GATA4: variants seen among roughly 807,000 people sequenced by gnomAD.
GATA4 encodes the protein transcription factor GATA-4.
Under a neutral mutation model 37.9 loss-of-function variants are expected in GATA4, and 7 were observed. The observed-to-expected ratio is 0.18, with a 90% CI of 0.11 to 0.35. The LOEUF (loss-of-function observed/expected upper bound fraction) is 0.35. Ranked by LOEUF, GATA4 falls within the 10% of genes least tolerant of loss-of-function variation. The probability of loss-of-function intolerance (pLI) is 1.00; values close to 1 mark genes in which losing one functional copy is unlikely to be tolerated. For synonymous variants in GATA4, 372 were observed against 292.6 expected (o/e 1.27, Z -2.77); for missense variants, 647 against 653.0 (o/e 0.99, Z 0.10).
intron 1 of GATA4, among the ~76,000 whole-genome samples, chr8:11,697,292 C>G (rs1357158678): frequency 6.6e-6 from 1 of 152,218 alleles, no homozygotes; most frequent in Non-Finnish European, 1.5e-5. Flanking sequence ...AAACCAGCCG[C>G]AAAGAAATGG....
chr8:11,678,035 AT>A (rs1272525417), intron 1 of GATA4, among the ~76,000 whole-genome samples: 3 of 148,702 alleles, frequency 2.0e-5, no homozygotes, highest in African/African-American at 7.3e-5. Context: ...AATAATAATA[AT>A]AATAATAATA....
chr8:11,683,345 T>A (rs561203677), intron 1 of GATA4, among the ~76,000 whole-genome samples: 54 of 152,328 alleles, frequency 3.5e-4, no homozygotes, highest in African/African-American at 1.3e-3. Context: ...CACCACTGCG[T>A]ATTATGCTTG....
At chr8:11,688,327 A>G (rs553757157), upstream of GATA4, among the ~76,000 whole-genome samples, 2 of 152,338 alleles carry the variant, frequency 1.3e-5, no homozygotes, top group African/African-American at 4.8e-5. Flanking sequence ...CACATTTCTT[A>G]TACAGAGCTC....
chr8:11,722,491 G>C (rs7844208), intron 2 of GATA4, among the ~76,000 whole-genome samples: 2,948 of 152,296 alleles, frequency 0.019, 58 homozygotes, highest in African/African-American at 0.054. Flanking sequence ...TTAATGCCTT[G>C]TTCCAATCAG....
chr8:11,699,279 A>G (rs983490031), upstream of GATA4, among the ~76,000 whole-genome samples: 1 of 152,240 alleles, frequency 6.6e-6, no homozygotes, highest in Non-Finnish European at 1.5e-5. Context: ...CAGGGATGTT[A>G]ACCCTGGTCT....
chr8:11,742,535 G>A (rs149613854), intron 2 of GATA4, among the ~76,000 whole-genome samples: 1 of 152,326 alleles, frequency 6.6e-6, no homozygotes, highest in East Asian at 1.9e-4. Context: ...CAGAAGCAGA[G>A]GCCTTGGACT....
chr8:11,693,562 C>CAGAG lies in GATA4; in HGVS notation c.-729+932_-729+935dup, dbSNP rs139631153. 6.2e-3 allele frequency among the ~76,000 whole-genome samples: 450 copies of CAGAG among 72,204 alleles called. 10 individuals are homozygous for CAGAG. The highest frequency in any genetic ancestry group is 0.021 in the African/African-American group (421 of 19,834). The allele number at this position is 72,204 out of a possible 152,430, so 47.4% of individuals were successfully genotyped here. A position where few individuals can be genotyped will look rare whatever the true frequency, so the allele number is the denominator to read the frequency against. On this transcript the variant is annotated intron_variant, in intron 1 of 2. Transcript: ENST00000526974. ...ACACACACACACACACACACACACA[C>CAGAG]AGAGAGAGAGAGAGAGAGAGAGAGA...
intron 2 of GATA4, among the ~76,000 whole-genome samples, chr8:11,735,138 ATAT>A: frequency 6.6e-6 from 1 of 152,242 alleles, no homozygotes; most frequent in East Asian, 1.9e-4. Flanking sequence ...TCTGAAGGAA[ATAT>A]GGTAAAACAA....
chr8:11,752,404 C>T (rs775531499), intron 4 of GATA4, among the ~76,000 whole-genome samples: 9 of 152,096 alleles, frequency 5.9e-5, no homozygotes, highest in Admixed American at 2.0e-4. Flanking sequence ...GTGAAAGGCA[C>T]GTCTTACATG....
rs1395157820 is a variant in GATA4, at chr8:11,758,808, T to C, written c.*333T>C. The C allele has an allele frequency of 2.7e-6, 1 of 375,506 alleles. No individual in the cohort carries two copies. Among genetic ancestry groups the C allele is most frequent in the Non-Finnish European group, 5.1e-6 (1 of 195,792 alleles). 23.3% of individuals were successfully genotyped at this position (375,506 alleles called of 1,614,324 possible). A position where few individuals can be genotyped will look rare whatever the true frequency, so the allele number is the denominator to read the frequency against. The stretch of plus-strand genomic sequence containing the variant: ...GACCGTGGGTTTTGCATTGTGTTTC[T>C]AGCACCGAGGATCTGAGAACAAGCG... On this transcript the variant is annotated 3_prime_UTR_variant, in exon 7 of 7. Transcript: ENST00000532059.
intron 1 of GATA4, among the ~76,000 whole-genome samples, chr8:11,678,956 A>G (rs766545365): frequency 3.9e-5 from 6 of 152,334 alleles, no homozygotes; most frequent in Admixed American, 2.6e-4. Context: ...TCTAGTCTCA[A>G]GTATAATAAA....
intron 5 of GATA4, among the ~76,000 whole-genome samples, chr8:11,755,851 G>A (rs1478595336): frequency 6.6e-6 from 1 of 151,232 alleles, no homozygotes; most frequent in Non-Finnish European, 1.5e-5. Flanking sequence ...TGAGGCTGCA[G>A]TGACCTATGA....
At chr8:11,694,172 T>C (rs1003527881) in intron 1 of GATA4, among the ~76,000 whole-genome samples, 2 of 152,244 alleles carry the variant, frequency 1.3e-5, no homozygotes, top group African/African-American at 4.8e-5. Flanking sequence ...TTCATCCTTG[T>C]ATCTACAAGT....
At chr8:11,745,053 A>T (rs1351066002) in intron 2 of GATA4, among the ~76,000 whole-genome samples, 2 of 152,256 alleles carry the variant, frequency 1.3e-5, no homozygotes, top group Non-Finnish European at 2.9e-5. Flanking sequence ...ATTAAATAGC[A>T]GATGCTCAGT....
chr8:11,692,773 C>G (rs1799360193), intron 1 of GATA4: 1 of 981,972 alleles, frequency 1.0e-6, no homozygotes, highest in South Asian at 4.7e-5. Context: ...GGGCGGGAAG[C>G]GAGGCTGCCG....
At chr8:11,683,789 C>G (rs1036831418) in intron 1 of GATA4, among the ~76,000 whole-genome samples, 1 of 152,238 alleles carries the variant, frequency 6.6e-6, no homozygotes, top group African/African-American at 2.4e-5. Context: ...ATCTAGCCAG[C>G]CTTCCATTCA....
At position 11,756,966 on chromosome 8, in the gene GATA4, C is replaced by T; in HGVS notation, c.1032C>T (p.Ala344=). 6.2e-7 allele frequency: 1 copy of T among 1,614,258 alleles called. No homozygotes were observed. The highest frequency in any genetic ancestry group is 8.5e-7 in the Non-Finnish European group (1 of 1,180,054). Residue 344 remains alanine, a synonymous_variant, in exon 6 of 7, where the codon GCC becomes GCT. Coordinates refer to ENST00000532059, the MANE Select transcript of GATA4 (RefSeq NM_001308093.3). ...CAGGCAGTGAGAGCCTTCCTCCCGCCAGCGGTGCTTCCAGCAACTCCAGCA... is the reference window on the plus strand; with the variant it reads ...CAGGCAGTGAGAGCCTTCCTCCCGCTAGCGGTGCTTCCAGCAACTCCAGCA... ...APSGSESLPP[A]SGASSNSSNA... is the part of the protein sequence containing the mutation.
intron 2 of GATA4, among the ~76,000 whole-genome samples, chr8:11,712,576 G>T (rs1343073101): frequency 6.6e-6 from 1 of 151,954 alleles, no homozygotes; most frequent in Non-Finnish European, 1.5e-5. Context: ...AGAAAAAGAG[G>T]CCAGGTGCAG....
chr8:11,755,436 G>A (rs551424934), intron 5 of GATA4, among the ~76,000 whole-genome samples: 11 of 152,320 alleles, frequency 7.2e-5, no homozygotes, highest in Non-Finnish European at 1.6e-4. Flanking sequence ...AACTTTACTC[G>A]GTCCTTTCAT....
Sources: allele counts gnomAD v4.1 joint callset (sites outside exome capture counted in the v4.1 genomes callset), GRCh38; gene constraint gnomAD v4.1.1; transcripts MANE v1.5; gene names NCBI Gene and HGNC (gene_info 2026-07-23, HGNC 2026-07-21).